DOCK2: variants seen among roughly 807,000 people sequenced by gnomAD.
DOCK2 encodes the protein dedicator of cytokinesis protein 2.
A neutral mutation model predicts 248.9 loss-of-function variants in DOCK2; 87 were observed. The ratio of observed to expected loss-of-function variants is 0.35; its 90% CI spans 0.29 to 0.42. The LOEUF (loss-of-function observed/expected upper bound fraction) is 0.42. Ranked by LOEUF, DOCK2 falls within the 10% of genes least tolerant of loss-of-function variation. The probability of loss-of-function intolerance (pLI) is 1.00; values close to 1 mark genes in which losing one functional copy is unlikely to be tolerated. For missense variants in DOCK2, 1,747 were observed against 2,300.2 expected (o/e 0.76, Z 4.92); for synonymous variants, 805 against 821.6 (o/e 0.98, Z 0.35).
chr5:170,067,476 G>A, intron 44 of DOCK2, 34 bp from the exon 45 acceptor site: 2 of 1,600,762 alleles, frequency 1.2e-6, no homozygotes, highest in Non-Finnish European at 1.7e-6. Context: ...ACTTAACTAA[G>A]GCCCTTTCTT....
intron 41 of DOCK2, among the ~76,000 whole-genome samples, chr5:170,052,232 C>T (rs1435452982): frequency 6.6e-6 from 1 of 152,166 alleles, no homozygotes; most frequent in Non-Finnish European, 1.5e-5. Context: ...GCCTGCCCTG[C>T]GTACCTGCTC....
intron 32 of DOCK2, among the ~76,000 whole-genome samples, chr5:170,012,502 T>C (rs1261058928): frequency 6.6e-6 from 1 of 152,244 alleles, no homozygotes; most frequent in African/African-American, 2.4e-5. Flanking sequence ...GTTTATAAGA[T>C]AGCTAATTGC....
At chr5:169,958,988 G>A (rs1014437847) in intron 27 of DOCK2, among the ~76,000 whole-genome samples, 5 of 152,276 alleles carry the variant, frequency 3.3e-5, no homozygotes, top group Middle Eastern at 3.4e-3. Context: ...AACAGCTCCC[G>A]TTAGTAAACT....
intron 26 of DOCK2, among the ~76,000 whole-genome samples, chr5:169,819,978 G>A (rs543533097): frequency 5.3e-5 from 8 of 152,298 alleles, no homozygotes; most frequent in East Asian, 3.9e-4. Flanking sequence ...ACTATATCCC[G>A]TGCCTGGCTT....
chr5:169,702,248 C>A, intron 13 of DOCK2, 55 bp from the exon 14 acceptor site: 4 of 1,593,326 alleles, frequency 2.5e-6, no homozygotes, highest in East Asian at 4.5e-5. Flanking sequence ...AGTTAGTCAG[C>A]GTCTCTCCTG....
At chr5:169,817,153 C>T (rs1449587911) in intron 26 of DOCK2, among the ~76,000 whole-genome samples, 1 of 152,214 alleles carries the variant, frequency 6.6e-6, no homozygotes, top group Non-Finnish European at 1.5e-5. Context: ...ATTAAGAAAT[C>T]ACCCCAGGTT....
chr5:169,962,625 G>T (rs1777138980), intron 27 of DOCK2, among the ~76,000 whole-genome samples: 1 of 152,092 alleles, frequency 6.6e-6, no homozygotes, highest in Admixed American at 6.5e-5. Flanking sequence ...AGACAAAGAG[G>T]TTAGACAAGA....
chr5:170,046,495 A>T (rs1756716531), intron 39 of DOCK2, among the ~76,000 whole-genome samples: 1 of 152,142 alleles, frequency 6.6e-6, no homozygotes, highest in Non-Finnish European at 1.5e-5. Flanking sequence ...TGGCTGCCTG[A>T]GCAGCAGGAC....
intron 25 of DOCK2, among the ~76,000 whole-genome samples, chr5:169,769,747 C>G (rs1217664060): frequency 1.3e-5 from 2 of 152,172 alleles, no homozygotes; most frequent in African/African-American, 4.8e-5. Context: ...AGACACAGCT[C>G]CAGGAGCCTG....
At chr5:169,881,301 G>A in intron 27 of DOCK2, 3 of 1,321,896 alleles carry the variant, frequency 2.3e-6, no homozygotes, top group Non-Finnish European at 3.2e-6. Flanking sequence ...TTAAAAGTTT[G>A]CTAGAGTGTT....
intron 27 of DOCK2, among the ~76,000 whole-genome samples, chr5:169,904,442 G>A (rs992972190): frequency 2.0e-5 from 3 of 152,156 alleles, no homozygotes; most frequent in African/African-American, 4.8e-5. Flanking sequence ...CCTCTCCAAA[G>A]TCTCACTTCT....
intron 30 of DOCK2, among the ~76,000 whole-genome samples, chr5:170,001,539 A>G (rs1223773337): frequency 1.3e-5 from 2 of 152,146 alleles, no homozygotes; most frequent in African/African-American, 4.8e-5. Context: ...GTCGGACAAG[A>G]TATTGAACCT....
intron 6 of DOCK2, among the ~76,000 whole-genome samples, chr5:169,680,472 T>C (rs938277491): frequency 6.6e-6 from 1 of 152,212 alleles, no homozygotes; most frequent in South Asian, 2.1e-4. Context: ...AGTCAACATG[T>C]CTGAGATTGT....
At chr5:169,807,066 T>TG (rs546473083) in intron 26 of DOCK2, among the ~76,000 whole-genome samples, 1 of 152,044 alleles carries the variant, frequency 6.6e-6, no homozygotes, top group African/African-American at 2.4e-5. Context: ...CGTCACTGGC[T>TG]GGGGGTCCCC....
intron 26 of DOCK2, among the ~76,000 whole-genome samples, chr5:169,825,584 C>T (rs928124710): frequency 1.8e-4 from 23 of 125,782 alleles, no homozygotes; most frequent in African/African-American, 4.9e-4. Context: ...AACACTTGGA[C>T]GCAGGGCGGG....
At chr5:169,900,551 T>C (rs1773865304) in intron 27 of DOCK2, among the ~76,000 whole-genome samples, 1 of 152,234 alleles carries the variant, frequency 6.6e-6, no homozygotes, top group African/African-American at 2.4e-5. Context: ...AGGCAAGCTG[T>C]ACATTTACAA....
intron 25 of DOCK2, among the ~76,000 whole-genome samples, chr5:169,771,059 C>T (rs1765058459): frequency 6.6e-6 from 1 of 152,226 alleles, no homozygotes; most frequent in Non-Finnish European, 1.5e-5. Flanking sequence ...CCAATTTACA[C>T]TCCCACCAGC....
At chr5:169,746,299 G>A (rs1763608448) in intron 22 of DOCK2, among the ~76,000 whole-genome samples, 2 of 152,168 alleles carry the variant, frequency 1.3e-5, no homozygotes, top group Admixed American at 1.3e-4. Context: ...CAGAAATGAA[G>A]TAGAAAGACG....
chr5:169,977,072 G>A (rs1433509990), intron 27 of DOCK2, among the ~76,000 whole-genome samples: 1 of 152,184 alleles, frequency 6.6e-6, no homozygotes, highest in Non-Finnish European at 1.5e-5. Context: ...AACAACTGGG[G>A]AACTAAGTTT....
Sources: gnomAD v4.1 joint callset for allele counts (sites outside exome capture counted in the v4.1 genomes callset) on GRCh38, gnomAD v4.1.1 for gene constraint, MANE v1.5 for transcripts, NCBI Gene and HGNC (gene_info 2026-07-23, HGNC 2026-07-21) for gene names.